Variants in ABCC4 observed in about 807,000 individuals in gnomAD.
ABCC4 encodes the protein ATP binding cassette subfamily C member 4 (PEL blood group).
A neutral mutation model predicts 168.5 loss-of-function variants in ABCC4; 102 were observed. The ratio of observed to expected loss-of-function variants is 0.61; its 90% CI spans 0.52 to 0.71. The LOEUF (loss-of-function observed/expected upper bound fraction) is 0.71. Among genes scored for constraint, ABCC4 ranks in the 30% least tolerant of loss-of-function variants. The pLI, the probability that ABCC4 is intolerant of heterozygous loss-of-function variation, is 0.00. For synonymous variants in ABCC4, 617 were observed against 590.7 expected, an observed-to-expected ratio of 1.04 and a Z score of -0.65; for missense variants, 1,402 against 1,605.8, an observed-to-expected ratio of 0.87 and a Z score of 2.17.
At chr13:95,025,178 C>CAT (rs2031348728) in intron 30 of ABCC4, among the ~76,000 whole-genome samples, 1 of 144,082 alleles carries the variant, frequency 6.9e-6, no homozygotes, top group South Asian at 2.2e-4. Context: ...CACACACACA[C>CAT]CCACACACAC....
chr13:95,037,675 G>A (rs2032180458), intron 29 of ABCC4, among the ~76,000 whole-genome samples: 1 of 152,158 alleles, frequency 6.6e-6, no homozygotes, highest in Non-Finnish European at 1.5e-5. Context: ...TGGGCAATGA[G>A]AACTGTAAAC....
At chr13:95,222,346 T>C (rs2039332205) in intron 4 of ABCC4, among the ~76,000 whole-genome samples, 1 of 152,214 alleles carries the variant, frequency 6.6e-6, no homozygotes, top group South Asian at 2.1e-4. Flanking sequence ...ACACCAAGCA[T>C]TGCCTTGGCT....
chr13:95,154,737 A>G (rs1006859642), intron 19 of ABCC4, among the ~76,000 whole-genome samples: 1 of 152,248 alleles, frequency 6.6e-6, no homozygotes, highest in Non-Finnish European at 1.5e-5. Flanking sequence ...GTGAACAGGC[A>G]TAGATTAATG....
At chr13:95,214,884 C>CAAA (rs60962674) in intron 4 of ABCC4, among the ~76,000 whole-genome samples, 4 of 88,628 alleles carry the variant, frequency 4.5e-5, no homozygotes, top group East Asian at 3.4e-4. Context: ...GACTCCAATT[C>CAAA]AAAAAAAAAA....
rs138132657 is a variant in ABCC4 at position 95,166,025 on chromosome 13, T to C, written c.2034+133A>G. 6,378 of 839,732 alleles carry C rather than the reference T, an allele frequency of 7.6e-3. 49 individuals are homozygous for C. Among genetic ancestry groups the C allele is most frequent in the Middle Eastern group, 0.041 (113 of 2,768 alleles). 52.0% of individuals were successfully genotyped at this position (839,732 alleles called of 1,614,324 possible). A position where few individuals can be genotyped will look rare whatever the true frequency, so the allele number is the denominator to read the frequency against. On this transcript the variant is annotated intron_variant, in intron 15 of 30. Coordinates refer to ENST00000645237, the MANE Select transcript of ABCC4 (RefSeq NM_005845.5). ...GTTCCGTTTTAATCTACCAATATCA[T>C]GGAATAGAGCCCTGAAACCACAGAA... is the stretch of plus-strand genomic sequence containing the variant.
intron 27 of ABCC4, 39 bp from the exon 28 acceptor site, chr13:95,044,477 G>A: frequency 1.9e-6 from 3 of 1,563,386 alleles, no homozygotes; most frequent in African/African-American, 1.4e-5. Flanking sequence ...TATCATTCAA[G>A]CCGCTATGGA....
intron 27 of ABCC4, among the ~76,000 whole-genome samples, chr13:95,051,391 G>C (rs1012032375): frequency 6.6e-6 from 1 of 152,170 alleles, no homozygotes; most frequent in Non-Finnish European, 1.5e-5. Flanking sequence ...AACAATGGAG[G>C]GAAATTAATC....
intron 8 of ABCC4, among the ~76,000 whole-genome samples, chr13:95,203,627 C>T (rs536699197): frequency 2.0e-5 from 3 of 151,854 alleles, no homozygotes; most frequent in Admixed American, 6.6e-5. Flanking sequence ...CAAAGTGCTG[C>T]GATTATAGCT....
intron 3 of ABCC4, among the ~76,000 whole-genome samples, chr13:95,245,177 G>A: frequency 6.6e-6 from 1 of 152,204 alleles, no homozygotes; most frequent in Non-Finnish European, 1.5e-5. Context: ...AGCATGGACA[G>A]CCCTGAGCAT....
In ABCC4 at chr13:95,295,653, G is replaced by A. The variant is rs772987330; in HGVS notation, c.74+5588C>T. Among the ~76,000 whole-genome samples, 10 of 149,414 alleles carry A rather than the reference G, an allele frequency of 6.7e-5. 1 individual carries two copies. The highest frequency in any genetic ancestry group is 2.1e-4 in the South Asian group (1 of 4,692). On this transcript the variant is annotated intron_variant, in intron 1 of 30. Coordinates refer to ENST00000645237, the MANE Select transcript of ABCC4 (RefSeq NM_005845.5). ...AGACTGGGCAACAGAGCAAGACTCC[G>A]TCCCCCGCCCCTCAAAAAATTAGCT...
intron 26 of ABCC4, among the ~76,000 whole-genome samples, chr13:95,061,469 G>A (rs147250554): frequency 4.2e-4 from 64 of 152,168 alleles, no homozygotes; most frequent in Non-Finnish European, 7.4e-4. Context: ...CCGGTGGCAC[G>A]TTCTCTATGC....
chr13:95,062,878 G>A lies in ABCC4; in HGVS notation c.3211-19C>T, dbSNP rs9302045. 5,505 of 1,496,660 alleles carry A rather than the reference G, an allele frequency of 3.7e-3. 170 individuals are homozygous for A. The African/African-American group carries it at 0.082, about 22-fold the overall frequency. 92.7% of individuals were successfully genotyped at this position (1,496,660 alleles called of 1,614,324 possible). On this transcript the variant is annotated intron_variant, in intron 25 of 30. Transcript: ENST00000645237. ...TGCCAACCTACAGAGAGATCCAGGC[G>A]GCAGGATTAAAAAAAAAAAGAAAAA...
chr13:95,058,594 A>AAAAAAAAAAAAAAAAAAAAAAAAG (rs2033163283), intron 26 of ABCC4, among the ~76,000 whole-genome samples: 7 of 41,410 alleles, frequency 1.7e-4, no homozygotes, highest in Non-Finnish European at 2.1e-4. Flanking sequence ...AAAAAAAAAG[A>AAAAAAAAAAAAAAAAAAAAAAAAG]AAAGAAAAAG....
chr13:95,199,306 T>C (rs1207525339), intron 8 of ABCC4, among the ~76,000 whole-genome samples: 2 of 152,220 alleles, frequency 1.3e-5, no homozygotes, highest in African/African-American at 4.8e-5. Flanking sequence ...TCATTGTTCA[T>C]TAACACATCC....
At chr13:95,091,784 C>T (rs2034442726) in intron 20 of ABCC4, among the ~76,000 whole-genome samples, 1 of 152,004 alleles carries the variant, frequency 6.6e-6, no homozygotes, top group Admixed American at 6.5e-5. Flanking sequence ...ACACAGACAA[C>T]AAACAGCGCG....
In ABCC4 at chr13:95,063,193, T is replaced by TA. The variant is rs778946741; in HGVS notation, c.3211-335dup. 3.3e-5 allele frequency among the ~76,000 whole-genome samples: 5 copies of TA among 152,288 alleles called. No homozygotes were observed. The East Asian group carries it at 9.6e-4, about 29-fold the overall frequency. On this transcript the variant is annotated intron_variant, in intron 25 of 30. Transcript: ENST00000645237. ...TGCCCCTGGTTGAGATCCACTGTTC[T>TA]AAAAAAGAGTTGAAAATAACAGAAT...
intron 20 of ABCC4, among the ~76,000 whole-genome samples, chr13:95,086,119 G>GTGTGTGTGTGT (rs1555309910): frequency 1.1e-4 from 16 of 150,218 alleles, no homozygotes; most frequent in South Asian, 2.1e-4. Flanking sequence ...GTGTGTGTGT[G>GTGTGTGTGTGT]GTTATATCTG....
chr13:95,274,550 C>T (rs1435500367), intron 1 of ABCC4, among the ~76,000 whole-genome samples: 1 of 152,224 alleles, frequency 6.6e-6, no homozygotes, highest in East Asian at 1.9e-4. Flanking sequence ...TGTTCACATG[C>T]ACTCCCCTGC....
In ABCC4 at chr13:95,090,703, A is replaced by G. The variant is rs1245745675; in HGVS notation, c.2536-7413T>C. ...AAGGAACTAGAAAACCCACTCTGAT[A>G]ATGTGACAAAATAAGGCTCTTTACC... is the stretch of plus-strand genomic sequence containing the variant. On this transcript the variant is annotated intron_variant, in intron 20 of 30. Transcript: ENST00000645237. Among the ~76,000 whole-genome samples the G allele has an allele frequency of 2.0e-5, 3 of 152,200 alleles. 1 individual carries two copies. The highest frequency in any genetic ancestry group is 7.2e-5 in the African/African-American group (3 of 41,450).
Sources: allele counts gnomAD v4.1 joint callset (sites outside exome capture counted in the v4.1 genomes callset), GRCh38; gene constraint gnomAD v4.1.1; transcripts MANE v1.5; gene names NCBI Gene and HGNC (gene_info 2026-07-23, HGNC 2026-07-21).